Variants in TANC1 observed in about 807,000 individuals in gnomAD.
TANC1 encodes the protein tetratricopeptide repeat, ankyrin repeat and coiled-coil containing 1, also known as protein TANC1.
In TANC1, 77 loss-of-function variants were observed where a neutral mutation model predicts 149.7. The observed-to-expected ratio is 0.51, with a 90% CI of 0.43 to 0.62. The LOEUF is 0.62. TANC1 is among the 20% of genes least tolerant of loss of function. The pLI is 0.00. For missense variants in TANC1, 1,985 were observed against 2,321.8 expected (o/e 0.85, Z 2.98); for synonymous variants, 854 against 925.0 (o/e 0.92, Z 1.39).
chr2:159,042,205 C>A (rs1408790635), intron 2 of TANC1, among the ~76,000 whole-genome samples: 1 of 152,194 alleles, frequency 6.6e-6, no homozygotes, highest in Non-Finnish European at 1.5e-5. Context: ...GAGGCCTCCA[C>A]CCAGCCTCGG....
intron 14 of TANC1, among the ~76,000 whole-genome samples, chr2:159,184,775 GA>G (rs1310263632): frequency 2.6e-5 from 4 of 152,274 alleles, no homozygotes; most frequent in Admixed American, 1.3e-4. Flanking sequence ...GTGCTCGTGG[GA>G]AAACTTCAGG....
rs187914839 is a variant in TANC1 at position 159,072,153 on chromosome 2, C to T, written c.61+6182C>T. Among the ~76,000 whole-genome samples the T allele has an allele frequency of 1.9e-4, 29 of 152,130 alleles. No homozygotes were observed. The East Asian group carries it at 3.9e-3, about 20-fold the overall frequency. Reference sequence around the variant, plus strand: ...TGTGCCACCACACCCAGCTAATTTTCGTATTTTTAGTAGAGGTGGGGTTTT... The same window carrying T: ...TGTGCCACCACACCCAGCTAATTTTTGTATTTTTAGTAGAGGTGGGGTTTT... On this transcript the variant is annotated intron_variant, in intron 3 of 26. Transcript: ENST00000263635.
At chr2:159,214,929 C>T (rs2059248911) in intron 19 of TANC1, among the ~76,000 whole-genome samples, 1 of 152,140 alleles carries the variant, frequency 6.6e-6, no homozygotes, top group Non-Finnish European at 1.5e-5. Flanking sequence ...AGGAATAGGG[C>T]GTGGAACATT....
intron 4 of TANC1, among the ~76,000 whole-genome samples, chr2:159,124,472 C>T (rs918141482): frequency 2.0e-5 from 3 of 152,098 alleles, no homozygotes; most frequent in Admixed American, 1.3e-4. Context: ...GGTCTGAACC[C>T]ACAGGGAAAG....
At chr2:159,167,287 C>G (rs894326653) in intron 8 of TANC1, among the ~76,000 whole-genome samples, 1 of 152,160 alleles carries the variant, frequency 6.6e-6, no homozygotes, top group Non-Finnish European at 1.5e-5. Flanking sequence ...GGTGCATTCA[C>G]CATGAGGCAT....
chr2:159,018,152 T>A (rs939331906), intron 2 of TANC1, among the ~76,000 whole-genome samples: 3 of 152,188 alleles, frequency 2.0e-5, no homozygotes, highest in African/African-American at 7.2e-5. Context: ...ATGAGGAGTC[T>A]GTTTGGAGCA....
intron 1 of TANC1, among the ~76,000 whole-genome samples, chr2:158,997,055 T>A (rs1032270557): frequency 6.6e-6 from 1 of 151,254 alleles, no homozygotes; most frequent in African/African-American, 2.4e-5. Flanking sequence ...TTGCATGACA[T>A]GGTCACTTAA....
At chr2:159,061,391 A>T (rs1553533905) in intron 2 of TANC1, among the ~76,000 whole-genome samples, 1 of 152,172 alleles carries the variant, frequency 6.6e-6, no homozygotes, top group Non-Finnish European at 1.5e-5. Flanking sequence ...GAATTCTCTG[A>T]CCTATCTCAC....
chr2:159,066,715 T>G (rs2042698777), intron 3 of TANC1, among the ~76,000 whole-genome samples: 1 of 152,184 alleles, frequency 6.6e-6, no homozygotes, highest in Admixed American at 6.5e-5. Context: ...TCCTAACAGG[T>G]GGAGCCCCAC....
chr2:158,974,490 G>T (rs1436238627), intron 1 of TANC1, among the ~76,000 whole-genome samples: 2 of 152,092 alleles, frequency 1.3e-5, no homozygotes, highest in African/African-American at 4.8e-5. Flanking sequence ...CTGGAGCACA[G>T]TGGTACAATC....
At chr2:159,194,578 C>T (rs562296522) in intron 17 of TANC1, 85 bp downstream of exon 17, 1 of 1,205,276 alleles carries the variant, frequency 8.3e-7, no homozygotes, top group East Asian at 2.3e-5. Flanking sequence ...GGGCCAGACT[C>T]TCTTGTCTCT....
chr2:159,155,925 C>T (rs1223696110), intron 7 of TANC1, among the ~76,000 whole-genome samples: 1 of 152,132 alleles, frequency 6.6e-6, no homozygotes, highest in African/African-American at 2.4e-5. Context: ...TGACTTTTAT[C>T]TTCCTTTGAC....
rs181755982 is a variant in TANC1, at chr2:159,051,155, C to G, written c.-15-14741C>G. Among the ~76,000 whole-genome samples the G allele has an allele frequency of 4.6e-5, 7 of 152,282 alleles. No homozygotes were observed. In the East Asian group the frequency reaches 9.6e-4, roughly 21 times the overall value. On this transcript the variant is annotated intron_variant, in intron 2 of 26. Transcript: ENST00000263635. ...CAAGAAACATGTGTCTTGTTTTCCACTGGGTTCTAATTGGGCTGTTTTTCC... is the reference window on the plus strand; with the variant it reads ...CAAGAAACATGTGTCTTGTTTTCCAGTGGGTTCTAATTGGGCTGTTTTTCC...
chr2:159,191,969 G>A (rs1465761379), intron 16 of TANC1, among the ~76,000 whole-genome samples: 1 of 151,952 alleles, frequency 6.6e-6, no homozygotes, highest in Non-Finnish European at 1.5e-5. Context: ...AACACACTGG[G>A]CATCTTAATA....
At chr2:159,146,789 C>T (rs1035958008) in intron 5 of TANC1, among the ~76,000 whole-genome samples, 4 of 152,132 alleles carry the variant, frequency 2.6e-5, no homozygotes, top group Non-Finnish European at 4.4e-5. Flanking sequence ...GATCCACCCG[C>T]CTCGGCCTCC....
intron 2 of TANC1, among the ~76,000 whole-genome samples, chr2:159,045,569 A>G (rs908018840): frequency 6.6e-6 from 1 of 152,240 alleles, no homozygotes; most frequent in African/African-American, 2.4e-5. Flanking sequence ...TTGGAGGAAT[A>G]TATTTCAGAA....
chr2:159,088,415 C>T (rs1477317146), intron 3 of TANC1, among the ~76,000 whole-genome samples: 12 of 152,088 alleles, frequency 7.9e-5, no homozygotes, highest in Admixed American at 2.6e-4. Flanking sequence ...GAAACCTTCC[C>T]GAGCTTATTC....
intron 3 of TANC1, among the ~76,000 whole-genome samples, chr2:159,074,133 T>G (rs2043416086): frequency 1.3e-5 from 2 of 149,340 alleles, no homozygotes; most frequent in African/African-American, 4.8e-5. Context: ...CTCTGTCCTT[T>G]TAGGGGCAGG....
chr2:159,045,497 A>G (rs907079253), intron 2 of TANC1, among the ~76,000 whole-genome samples: 1 of 151,978 alleles, frequency 6.6e-6, no homozygotes, highest in Non-Finnish European at 1.5e-5. Context: ...ATTAGTTACC[A>G]GAAGATCCGA....
Sources: gnomAD v4.1 joint callset for allele counts (sites outside exome capture counted in the v4.1 genomes callset) on GRCh38, gnomAD v4.1.1 for gene constraint, MANE v1.5 for transcripts, NCBI Gene and HGNC (gene_info 2026-07-23, HGNC 2026-07-21) for gene names.